The following DCC variants were observed in gnomAD, a reference collection of about 807,000 sequenced individuals.
The protein encoded by DCC is netrin receptor DCC.
In DCC, 58 loss-of-function variants were observed where a neutral mutation model predicts 172.5. The observed-to-expected ratio is 0.34, with a 90% confidence interval of 0.27 to 0.42. The LOEUF (loss-of-function observed/expected upper bound fraction) is 0.42. DCC is among the 10% of genes least tolerant of loss of function. The pLI, the probability that DCC is intolerant of heterozygous loss-of-function variation, is 1.00. For synonymous variants in DCC, 709 were observed against 644.5 expected, an observed-to-expected ratio of 1.10 and a Z score of -1.52; for missense variants, 1,740 against 1,791.0, an observed-to-expected ratio of 0.97 and a Z score of 0.51.
intron 26 of DCC, among the ~76,000 whole-genome samples, chr18:53,491,111 G>A (rs1176202116): frequency 1.3e-5 from 2 of 152,138 alleles, no homozygotes; most frequent in East Asian, 3.8e-4. Context: ...GCCATATCAT[G>A]ATGTTTGTTT....
chr18:53,260,614 C>T (rs997606741), intron 12 of DCC, among the ~76,000 whole-genome samples: 26 of 152,154 alleles, frequency 1.7e-4, no homozygotes, highest in Non-Finnish European at 1.6e-4. Context: ...TCTGCCCCTA[C>T]TGGGGGGTGC....
chr18:52,687,231 G>T (rs1490862222), intron 1 of DCC, among the ~76,000 whole-genome samples: 1 of 150,880 alleles, frequency 6.6e-6, no homozygotes, highest in Admixed American at 6.6e-5. Context: ...TGGAACATTA[G>T]CTAAATATTT....
At chr18:53,087,373 T>C (rs1367258989) in intron 7 of DCC, among the ~76,000 whole-genome samples, 1 of 151,908 alleles carries the variant, frequency 6.6e-6, no homozygotes, top group Non-Finnish European at 1.5e-5. Flanking sequence ...CACCTTTTCA[T>C]GTGTTTTTTG....
chr18:53,129,907 A>C (rs1298605384), intron 7 of DCC, among the ~76,000 whole-genome samples: 2 of 152,162 alleles, frequency 1.3e-5, no homozygotes, highest in Non-Finnish European at 2.9e-5. Flanking sequence ...CTTTATAAAC[A>C]TCTAAACCCT....
intron 5 of DCC, among the ~76,000 whole-genome samples, chr18:52,957,334 A>C (rs2040761501): frequency 6.6e-6 from 1 of 151,828 alleles, no homozygotes; most frequent in East Asian, 1.9e-4. Flanking sequence ...ATAGACATTT[A>C]TAAATAATTA....
chr18:52,927,617 GTTA>G (rs1345177282), intron 5 of DCC, among the ~76,000 whole-genome samples: 1 of 151,866 alleles, frequency 6.6e-6, no homozygotes, highest in African/African-American at 2.4e-5. Flanking sequence ...CTTGACTAGT[GTTA>G]TTATGTAAAA....
chr18:52,786,948 C>A (rs187419454), intron 2 of DCC, among the ~76,000 whole-genome samples: 4 of 152,032 alleles, frequency 2.6e-5, no homozygotes, highest in Non-Finnish European at 5.9e-5. Flanking sequence ...ATTATTATTG[C>A]GATGATGCAA....
chr18:53,008,924 G>A (rs71368906), intron 5 of DCC, among the ~76,000 whole-genome samples: 2,290 of 151,940 alleles, frequency 0.015, 19 homozygotes, highest in Middle Eastern at 0.071. Flanking sequence ...CTCACAACCC[G>A]TATTTCTAAC....
intron 17 of DCC, among the ~76,000 whole-genome samples, chr18:53,394,027 C>CT: frequency 6.6e-6 from 1 of 151,814 alleles, no homozygotes; most frequent in East Asian, 1.9e-4. Flanking sequence ...GTGATAGACT[C>CT]TTTGAGTTTT....
intron 1 of DCC, among the ~76,000 whole-genome samples, chr18:52,444,513 C>T (rs12959526): frequency 0.01 from 1,585 of 152,046 alleles, 57 homozygotes; most frequent in Admixed American, 0.065. Flanking sequence ...GCTAGAAGGT[C>T]GAGACAAAAG....
intron 2 of DCC, among the ~76,000 whole-genome samples, chr18:52,899,852 CA>C (rs2039785494): frequency 6.6e-6 from 1 of 152,030 alleles, no homozygotes; most frequent in Non-Finnish European, 1.5e-5. Flanking sequence ...CTAAACTTTC[CA>C]ATATTTAGGG....
At chr18:53,530,380 T>C (rs1232203243) in intron 28 of DCC, 184 bp from the exon 29 acceptor site, 1 of 704,666 alleles carries the variant, frequency 1.4e-6, no homozygotes, top group Non-Finnish European at 2.6e-6. Context: ...ATATGCAATC[T>C]CTTATTATCC....
chr18:53,128,868 CACATATATATATATATATAT>C (rs1437484310), intron 7 of DCC, among the ~76,000 whole-genome samples: 1,361 of 57,406 alleles, frequency 0.024, 21 homozygotes, highest in African/African-American at 0.092. Context: ...CACACACACA[CACATATATATATATATATAT>C]ATATATATAT....
At chr18:52,580,918 C>T (rs1023841909) in intron 1 of DCC, among the ~76,000 whole-genome samples, 6 of 152,280 alleles carry the variant, frequency 3.9e-5, no homozygotes, top group Admixed American at 1.3e-4. Flanking sequence ...TCTTTTGAAT[C>T]ACATTCAGGG....
chr18:52,502,864 CAA>C (rs2031084743), intron 1 of DCC, among the ~76,000 whole-genome samples: 1 of 152,182 alleles, frequency 6.6e-6, no homozygotes, highest in Non-Finnish European at 1.5e-5. Context: ...GGAGAATTTC[CAA>C]ATATACCAAA....
At chr18:52,438,895 G>T (rs1987881710) in intron 1 of DCC, among the ~76,000 whole-genome samples, 1 of 152,122 alleles carries the variant, frequency 6.6e-6, no homozygotes, top group African/African-American at 2.4e-5. Flanking sequence ...GCAGAGAATT[G>T]AAGGGACCAG....
In DCC at chr18:52,866,547, CCT is replaced by C. The variant is rs1017042030; in HGVS notation, c.413-39492_413-39491del. Among the ~76,000 whole-genome samples the C allele has an allele frequency of 3.3e-4, 50 of 152,086 alleles. 1 individual carries two copies. The highest frequency in any genetic ancestry group is 1.0e-3 in the African/African-American group (43 of 41,512). The stretch of plus-strand genomic sequence containing the variant: ...GCATGGAATGTTTTTCCGTTTGTGT[CCT>C]CTCTTATTTCCTTGAGCAGTGGTTT... On this transcript the variant is annotated intron_variant, in intron 2 of 28. Coordinates refer to ENST00000442544, the MANE Select transcript of DCC (RefSeq NM_005215.4).
chr18:52,587,805 T>G (rs952851589), intron 1 of DCC, among the ~76,000 whole-genome samples: 1 of 152,134 alleles, frequency 6.6e-6, no homozygotes, highest in African/African-American at 2.4e-5. Context: ...CAGGCCCTAG[T>G]CTTCTCTTTC....
chr18:52,419,024 C>T (rs181970991), intron 1 of DCC, among the ~76,000 whole-genome samples: 47 of 151,838 alleles, frequency 3.1e-4, no homozygotes, highest in African/African-American at 1.1e-3. Context: ...CCAGGCCAGG[C>T]TAATTTTTGT....
Sources: allele counts gnomAD v4.1 joint callset (sites outside exome capture counted in the v4.1 genomes callset), GRCh38; gene constraint gnomAD v4.1.1; transcripts MANE v1.5; gene names NCBI Gene and HGNC (gene_info 2026-07-23, HGNC 2026-07-21).